SMC1B: variants seen among roughly 807,000 people sequenced by gnomAD.
The protein encoded by SMC1B is structural maintenance of chromosomes protein 1B.
SMC1B carries 60 observed loss-of-function variants against 157.9 expected under a neutral mutation model. The observed-to-expected ratio is 0.38, with a 90% CI of 0.31 to 0.47. SMC1B has a LOEUF of 0.47. Ranked by LOEUF, SMC1B falls within the 20% of genes least tolerant of loss-of-function variation. The pLI is 0.99. For synonymous variants in SMC1B, 445 were observed against 483.0 expected, an observed-to-expected ratio of 0.92 and a Z score of 1.03; for missense variants, 1,165 against 1,426.2, an observed-to-expected ratio of 0.82 and a Z score of 2.95.
At chr22:45,378,784 CAG>C (rs1187181170) in intron 12 of SMC1B, among the ~76,000 whole-genome samples, 1 of 152,068 alleles carries the variant, frequency 6.6e-6, no homozygotes, top group Non-Finnish European at 1.5e-5. Flanking sequence ...GTGCTGCAAA[CAG>C]ATTTATAATG....
chr22:45,371,799 G>A (rs2086835339), intron 13 of SMC1B, among the ~76,000 whole-genome samples: 1 of 152,142 alleles, frequency 6.6e-6, no homozygotes, highest in African/African-American at 2.4e-5. Flanking sequence ...GGCCAGGCAT[G>A]GTGGCTGTAA....
intron 18 of SMC1B, among the ~76,000 whole-genome samples, chr22:45,359,089 C>A (rs557177853): frequency 4.6e-5 from 7 of 152,260 alleles, no homozygotes; most frequent in East Asian, 3.9e-4. Flanking sequence ...AACAAAAAAA[C>A]CCCTGCAATA....
chr22:45,408,218 C>T (rs567797692), intron 2 of SMC1B, among the ~76,000 whole-genome samples: 1 of 152,048 alleles, frequency 6.6e-6, no homozygotes, highest in Non-Finnish European at 1.5e-5. Flanking sequence ...CTCTGCCTCC[C>T]GGGTTCATGC....
intron 5 of SMC1B, among the ~76,000 whole-genome samples, chr22:45,401,953 G>A (rs1477221013): frequency 3.3e-5 from 5 of 151,830 alleles, no homozygotes; most frequent in Admixed American, 6.6e-5. Context: ...GCGTGATCTC[G>A]GCTCACTGCA....
At chr22:45,391,880 C>G (rs1365346731) in intron 9 of SMC1B, among the ~76,000 whole-genome samples, 4 of 152,170 alleles carry the variant, frequency 2.6e-5, no homozygotes. Flanking sequence ...AATTTTAAAG[C>G]CCTAGTAAGT....
rs1012145685 is a variant in SMC1B, at chr22:45,383,677, G to A, written c.1912-64C>T. On this transcript the variant is annotated intron_variant, in intron 11 of 24. Transcript: ENST00000357450. ...ATAAAGATACAAATAAAGACACAAT[G>A]TGTCAATTTTTAAAGCTAAGAATAA... is the stretch of plus-strand genomic sequence containing the variant. 21 of 1,350,794 alleles carry A rather than the reference G, an allele frequency of 1.6e-5. No individual in the cohort carries two copies. The Middle Eastern group carries it at 5.5e-4, about 35-fold the overall frequency. The allele number at this position is 1,350,794 out of a possible 1,614,324, so 83.7% of individuals were successfully genotyped here. A position where few individuals can be genotyped will look rare whatever the true frequency, so the allele number is the denominator to read the frequency against.
chr22:45,407,802 A>T (rs768655879), intron 2 of SMC1B, among the ~76,000 whole-genome samples: 1 of 152,156 alleles, frequency 6.6e-6, no homozygotes, highest in Non-Finnish European at 1.5e-5. Flanking sequence ...TGCAGAAGTG[A>T]CTATGCCTCT....
intron 7 of SMC1B, among the ~76,000 whole-genome samples, chr22:45,396,081 T>A (rs763109130): frequency 7.2e-5 from 11 of 152,252 alleles, no homozygotes; most frequent in Non-Finnish European, 1.6e-4. Context: ...AACATATCAA[T>A]TACACAATTA....
chr22:45,405,841 A>C (rs1307954008), intron 4 of SMC1B, among the ~76,000 whole-genome samples: 1 of 152,196 alleles, frequency 6.6e-6, no homozygotes, highest in African/African-American at 2.4e-5. Flanking sequence ...AACAGTGTGG[A>C]CAAAATTGCT....
intron 20 of SMC1B, 130 bp downstream of exon 20, chr22:45,354,828 AC>A: frequency 1.4e-6 from 1 of 725,404 alleles, no homozygotes; most frequent in Non-Finnish European, 2.3e-6. Context: ...TTAAAAGCAC[AC>A]ATTAATATAA....
chr22:45,354,820 A>T, intron 20 of SMC1B, 139 bp downstream of exon 20: 1 of 695,180 alleles, frequency 1.4e-6, no homozygotes, highest in Non-Finnish European at 2.4e-6. Flanking sequence ...ATTCAGTATT[A>T]AAAGCACACA....
chr22:45,359,149 A>C (rs2086697254), intron 18 of SMC1B, among the ~76,000 whole-genome samples: 1 of 152,230 alleles, frequency 6.6e-6, no homozygotes, highest in African/African-American at 2.4e-5. Context: ...GAGGATGCGC[A>C]TAGGTCATAT....
At chr22:45,381,992 C>T (rs922267580) in intron 12 of SMC1B, among the ~76,000 whole-genome samples, 10 of 152,072 alleles carry the variant, frequency 6.6e-5, no homozygotes, top group Non-Finnish European at 1.2e-4. Context: ...GAGGGAATTA[C>T]AATATTCAAC....
chr22:45,408,788 T>C lies in SMC1B; in HGVS notation c.220A>G (p.Ile74Val). 1.3e-6 allele frequency: 2 copies of C among 1,589,964 alleles called. No homozygotes were observed. The highest frequency in any genetic ancestry group is 1.4e-5 in the African/African-American group (1 of 73,630). Residue 74 changes from isoleucine to valine, a missense_variant, in exon 2 of 25, where the codon ATT becomes GTT. Ile to Val is a conservative substitution (Grantham distance 29). Transcript: ENST00000357450. ...ATTTTTACACTTGCAGAAGAAGAAA[T>C]AGGTTTTCCAATATGTGCTCCATGA... is the stretch of plus-strand genomic sequence containing the variant. The part of the protein sequence containing the change: ...LIHGAHIGKP[I>V]SSSASVKIIY...
At chr22:45,369,200 C>A (rs2086805498) in intron 15 of SMC1B, among the ~76,000 whole-genome samples, 1 of 152,040 alleles carries the variant, frequency 6.6e-6, no homozygotes. Context: ...AGGTTCATGC[C>A]ATTCTCCTGC....
In SMC1B at chr22:45,354,042, A is replaced by C; in HGVS notation, c.3209T>G (p.Phe1070Cys). The C allele has an allele frequency of 6.2e-7, 1 of 1,604,062 alleles. No individual in the cohort carries two copies. Among genetic ancestry groups the C allele is most frequent in the South Asian group, 1.1e-5 (1 of 88,762 alleles). Residue 1070 changes from phenylalanine (F) to cysteine (C), a missense_variant, in exon 21 of 25, where the codon TTT becomes TGT. Physicochemically the swap from Phe to Cys is radical, Grantham distance 205. Coordinates refer to ENST00000357450, the MANE Select transcript of SMC1B (RefSeq NM_148674.5). ...KRRYDLFTQCFEHVSISIDQI... is the reference protein window; with the variant it reads ...KRRYDLFTQCCEHVSISIDQI... ...ATCAATTGAGATTGAGACATGCTCA[A>C]AACACTGGGTGAAAAGATCGTATCT...
In SMC1B at chr22:45,406,473, A is replaced by G. The variant is rs199651348; in HGVS notation, c.602T>C (p.Leu201Ser). 1.1e-4 allele frequency: 176 copies of G among 1,607,936 alleles called. 2 individuals carry two copies. In the Middle Eastern group the frequency reaches 3.8e-3, roughly 35 times the overall value. The change falls in exon 4 of 25, where the codon TTA (leucine) becomes TCA (serine). Residue 201 changes from leucine (L) to serine (S), a missense_variant. Physicochemically the swap from Leu to Ser is moderately radical, Grantham distance 145. Coordinates refer to ENST00000357450, the MANE Select transcript of SMC1B (RefSeq NM_148674.5). The stretch of plus-strand genomic sequence containing the variant: ...ATGACATCTTACCTCTTCCTTCTCT[A>G]ATTTTGCTTGTCTGCGCTCTGCCGC... The part of the protein sequence containing the change: ...NIAAERRQAK[L>S]EKEEAERYQS...
At chr22:45,347,068 A>C (rs958507745) in intron 23 of SMC1B, among the ~76,000 whole-genome samples, 2 of 152,204 alleles carry the variant, frequency 1.3e-5, no homozygotes, top group African/African-American at 4.8e-5. Context: ...CCCCTCACAG[A>C]ATGTGGGATA....
intron 12 of SMC1B, among the ~76,000 whole-genome samples, chr22:45,377,955 C>G (rs544385378): frequency 7.2e-5 from 11 of 152,118 alleles, no homozygotes; most frequent in Admixed American, 2.0e-4. Flanking sequence ...CTTAAGTGTT[C>G]CTCCTGCCAA....
Sources: allele counts gnomAD v4.1 joint callset (sites outside exome capture counted in the v4.1 genomes callset), GRCh38; gene constraint gnomAD v4.1.1; transcripts MANE v1.5; gene names NCBI Gene and HGNC (gene_info 2026-07-23, HGNC 2026-07-21).